The following ALPK2 variants were observed in gnomAD, a reference collection of about 807,000 sequenced individuals.
ALPK2 encodes alpha-protein kinase 2.
ALPK2 carries 127 observed loss-of-function variants against 163.1 expected under a neutral mutation model. The ratio of observed to expected loss-of-function variants is 0.78; its 90% CI spans 0.67 to 0.90. The LOEUF is 0.90. Ranked by LOEUF, ALPK2 falls within the 40% of genes least tolerant of loss-of-function variation. The pLI, the probability that ALPK2 is intolerant of heterozygous loss-of-function variation, is 0.00. For synonymous variants in ALPK2, 953 were observed against 959.1 expected, an observed-to-expected ratio of 0.99 and a Z score of 0.12; for missense variants, 2,360 against 2,589.6, an observed-to-expected ratio of 0.91 and a Z score of 1.92.
At chr18:58,550,759 C>T (rs1029754197) in intron 4 of ALPK2, among the ~76,000 whole-genome samples, 6 of 151,770 alleles carry the variant, frequency 4.0e-5, no homozygotes, top group Admixed American at 2.0e-4. Context: ...CAACCCCATC[C>T]CTATCTCTAT....
At chr18:58,533,769 A>G (rs535202424) in intron 5 of ALPK2, among the ~76,000 whole-genome samples, 25 of 152,286 alleles carry the variant, frequency 1.6e-4, no homozygotes, top group Non-Finnish European at 3.2e-4. Context: ...CTCTTTAAAT[A>G]TGCTTTAAAA....
At chr18:58,625,206 T>G (rs1602245433) in intron 1 of ALPK2, among the ~76,000 whole-genome samples, 1 of 147,254 alleles carries the variant, frequency 6.8e-6, no homozygotes, top group South Asian at 2.1e-4. Flanking sequence ...AAAAGCCCCC[T>G]AAAAACTAGA....
chr18:58,580,128 A>G lies in ALPK2; in HGVS notation c.648T>C (p.Leu216=). 6.2e-7 allele frequency: 1 copy of G among 1,614,218 alleles called. No individual in the cohort carries two copies. The highest frequency in any genetic ancestry group is 1.1e-5 in the South Asian group (1 of 91,080). The change falls in exon 4 of 13, where the codon CTT becomes CTC. Residue 216 remains leucine (L), a synonymous_variant. Coordinates refer to ENST00000361673, the MANE Select transcript of ALPK2 (RefSeq NM_052947.4). ...SNTEEIANGL[L]FLNSSHIYEK... ...CATAAATATGACTTGAATTAAGAAA[A>G]AGCAACCCATTTGCAATTTCTTCTG...
At position 58,537,227 on chromosome 18, in the gene ALPK2, T is replaced by C; in HGVS notation, c.2960A>G (p.Glu987Gly). 2 of 1,614,184 alleles carry C rather than the reference T, an allele frequency of 1.2e-6. No individual in the cohort carries two copies. The highest frequency in any genetic ancestry group is 1.7e-6 in the Non-Finnish European group (2 of 1,180,000). The part of the protein sequence containing the change: ...SYSSIVSFPW[E>G]KPTTLTANNE... ...ATTAGCAGTTAATGTTGTTGGCTTC[T>C]CCCAAGGAAAACTCACAATTGAACT... The change falls in exon 5 of 13, where the codon GAG becomes GGG. Residue 987 changes from glutamate (E) to glycine (G), a missense_variant. Physicochemically the swap from Glu to Gly is moderately conservative, Grantham distance 98. Coordinates refer to ENST00000361673, the MANE Select transcript of ALPK2 (RefSeq NM_052947.4).
intron 4 of ALPK2, among the ~76,000 whole-genome samples, chr18:58,576,022 T>A (rs975537060): frequency 3.9e-5 from 6 of 152,178 alleles, no homozygotes; most frequent in African/African-American, 1.4e-4. Context: ...AGTAAACTGC[T>A]GGTCACTGTT....
At chr18:58,553,426 TCA>T (rs2051769893) in intron 4 of ALPK2, among the ~76,000 whole-genome samples, 1 of 152,046 alleles carries the variant, frequency 6.6e-6, no homozygotes, top group Non-Finnish European at 1.5e-5. Context: ...ACAAATAGGC[TCA>T]GTGAGGGATG....
At chr18:58,615,233 CA>C (rs2144236136) in intron 1 of ALPK2, among the ~76,000 whole-genome samples, 1 of 152,262 alleles carries the variant, frequency 6.6e-6, no homozygotes, top group East Asian at 1.9e-4. Context: ...CAATGCTTTT[CA>C]GAAGCAACTG....
At chr18:58,572,310 G>T (rs77494429) in intron 4 of ALPK2, among the ~76,000 whole-genome samples, 65 of 152,226 alleles carry the variant, frequency 4.3e-4, no homozygotes, top group African/African-American at 1.5e-3. Flanking sequence ...AATGTAAAAA[G>T]GTACAGCATC....
At chr18:58,492,984 C>T (rs80096347) in intron 12 of ALPK2, among the ~76,000 whole-genome samples, 5,467 of 152,252 alleles carry the variant, frequency 0.036, 117 homozygotes, top group Non-Finnish European at 0.045. Flanking sequence ...AGACTTCCCT[C>T]CAGCCTCCAA....
At chr18:58,532,202 G>A (rs753384506) in intron 5 of ALPK2, among the ~76,000 whole-genome samples, 12 of 152,148 alleles carry the variant, frequency 7.9e-5, no homozygotes, top group Non-Finnish European at 1.5e-4. Context: ...CCCATCAGTC[G>A]ATGGCCCTTC....
At chr18:58,613,655 C>T (rs1158708731) in intron 1 of ALPK2, among the ~76,000 whole-genome samples, 3 of 149,732 alleles carry the variant, frequency 2.0e-5, no homozygotes, top group African/African-American at 4.9e-5. Flanking sequence ...GCCGAGATCA[C>T]GCCACTGCAC....
chr18:58,594,341 C>A (rs1030251590), intron 3 of ALPK2, among the ~76,000 whole-genome samples: 2 of 152,300 alleles, frequency 1.3e-5, no homozygotes, highest in African/African-American at 4.8e-5. Context: ...AGATGACTGA[C>A]CCTTCTTATT....
chr18:58,574,456 A>AG (rs2051908653), intron 4 of ALPK2, among the ~76,000 whole-genome samples: 1 of 151,400 alleles, frequency 6.6e-6, no homozygotes, highest in Admixed American at 6.6e-5. Context: ...AAAAAAAAAA[A>AG]AAAAGATTTG....
chr18:58,514,196 T>C (rs2144123514), intron 10 of ALPK2, among the ~76,000 whole-genome samples: 1 of 152,344 alleles, frequency 6.6e-6, no homozygotes, highest in African/African-American at 2.4e-5. Context: ...GAAAGTGTTA[T>C]ACTTTACACA....
intron 4 of ALPK2, chr18:58,577,859 A>G (rs898476547): frequency 1.3e-5 from 2 of 152,222 alleles, no homozygotes; most frequent in Admixed American, 1.3e-4. Context: ...GAGTGTATCT[A>G]GTCTTCTATA....
At chr18:58,617,991 T>C (rs2052179038) in intron 1 of ALPK2, among the ~76,000 whole-genome samples, 1 of 152,214 alleles carries the variant, frequency 6.6e-6, no homozygotes, top group African/African-American at 2.4e-5. Context: ...GTCTCTAGCC[T>C]AAATGCCAAG....
chr18:58,586,231 A>G (rs2051986092), intron 3 of ALPK2, among the ~76,000 whole-genome samples: 1 of 152,212 alleles, frequency 6.6e-6, no homozygotes, highest in Non-Finnish European at 1.5e-5. Flanking sequence ...AAATAATATG[A>G]ATGTTAATTT....
intron 1 of ALPK2, among the ~76,000 whole-genome samples, chr18:58,617,590 G>A (rs1415715003): frequency 6.6e-6 from 1 of 152,086 alleles, no homozygotes; most frequent in African/African-American, 2.4e-5. Context: ...TCTCCCAGAG[G>A]CATCATCTCT....
At chr18:58,628,173 T>G (rs1236585459) in intron 1 of ALPK2, among the ~76,000 whole-genome samples, 3 of 152,214 alleles carry the variant, frequency 2.0e-5, no homozygotes, top group Non-Finnish European at 4.4e-5. Flanking sequence ...TTAAATCTAT[T>G]TAACAACTCG....
Sources: allele counts gnomAD v4.1 joint callset (sites outside exome capture counted in the v4.1 genomes callset), GRCh38; gene constraint gnomAD v4.1.1; transcripts MANE v1.5; gene names NCBI Gene and HGNC (gene_info 2026-07-23, HGNC 2026-07-21).